SLCO2B1: variants seen among roughly 807,000 people sequenced by gnomAD.
SLCO2B1 encodes the protein solute carrier organic anion transporter family member 2B1, also known as OATP-RP2.
In SLCO2B1, 41 loss-of-function variants were observed where a neutral mutation model predicts 67.3. The observed-to-expected ratio is 0.61, with a 90% confidence interval of 0.47 to 0.79. The LOEUF (loss-of-function observed/expected upper bound fraction) is 0.79, where lower values mean the gene tolerates loss of function less well. Among genes scored for constraint, SLCO2B1 ranks in the 30% least tolerant of loss-of-function variants. The probability of loss-of-function intolerance (pLI) is 0.00; values close to 1 mark genes in which losing one functional copy is unlikely to be tolerated. For missense variants in SLCO2B1, 837 were observed against 920.1 expected (o/e 0.91, Z 1.17); for synonymous variants, 379 against 381.4 (o/e 0.99, Z 0.07).
chr11:75,196,720 T>G (rs747957924), intron 10 of SLCO2B1, 41 bp downstream of exon 10: 1 of 1,586,184 alleles, frequency 6.3e-7, no homozygotes, highest in South Asian at 1.1e-5. Flanking sequence ...CCCTCAGGAC[T>G]CTGCCTGCCC....
At chr11:75,171,301 G>T (rs1391811830) in intron 6 of SLCO2B1, among the ~76,000 whole-genome samples, 1 of 152,118 alleles carries the variant, frequency 6.6e-6, no homozygotes, top group Non-Finnish European at 1.5e-5. Context: ...GTCTCACTCT[G>T]CCCCTCATGC....
rs755551258 is a variant in SLCO2B1, at chr11:75,203,344, C to A, written c.1866C>A (p.Ile622=). Residue 622 remains isoleucine, a synonymous_variant, in exon 13 of 14, where the codon ATC becomes ATA. Coordinates refer to ENST00000289575, the MANE Select transcript of SLCO2B1 (RefSeq NM_007256.5). ...GCCCCGTGATCCACGGCAGCGCCAT[C>A]GACACCACCTGTGTGCACTGGGCCC... ...MPSPVIHGSA[I]DTTCVHWALS... The A allele has an allele frequency of 2.5e-6, 4 of 1,614,104 alleles. No individual in the cohort carries two copies. In the South Asian group the frequency reaches 4.4e-5, roughly 18 times the overall value.
At chr11:75,196,960 C>T (rs890908892) in intron 10 of SLCO2B1, among the ~76,000 whole-genome samples, 7 of 152,234 alleles carry the variant, frequency 4.6e-5, no homozygotes, top group Admixed American at 2.0e-4. Flanking sequence ...ACTAAAAATA[C>T]AAAAAATTAG....
intron 6 of SLCO2B1, among the ~76,000 whole-genome samples, chr11:75,171,080 G>A (rs1949954037): frequency 6.6e-6 from 1 of 152,154 alleles, no homozygotes; most frequent in Admixed American, 6.5e-5. Flanking sequence ...ATGGAGGCAG[G>A]GGAGATAACA....
intron 7 of SLCO2B1, among the ~76,000 whole-genome samples, chr11:75,181,759 G>C (rs528396676): frequency 1.3e-5 from 2 of 152,338 alleles, no homozygotes; most frequent in South Asian, 2.1e-4. Flanking sequence ...CCCCAGAGGG[G>C]AAGTTCCAGC....
intron 10 of SLCO2B1, among the ~76,000 whole-genome samples, chr11:75,197,397 G>A (rs1367588626): frequency 1.3e-5 from 2 of 152,248 alleles, no homozygotes; most frequent in African/African-American, 4.8e-5. Context: ...TTACTTGGGA[G>A]GGAAGGGCTT....
chr11:75,155,727 A>C (rs1949739229), intron 1 of SLCO2B1, among the ~76,000 whole-genome samples: 1 of 152,076 alleles, frequency 6.6e-6, no homozygotes, highest in African/African-American at 2.4e-5. Context: ...CAAAGTGCTG[A>C]GATTACAGGT....
chr11:75,189,918 G>GC (rs1944993097), intron 8 of SLCO2B1, among the ~76,000 whole-genome samples: 1 of 151,452 alleles, frequency 6.6e-6, no homozygotes, highest in African/African-American at 2.4e-5. Flanking sequence ...GCTGTGATCT[G>GC]GCCGCTGCGC....
chr11:75,182,017 C>G (rs1265631469), intron 7 of SLCO2B1, among the ~76,000 whole-genome samples: 1 of 152,236 alleles, frequency 6.6e-6, no homozygotes, highest in Non-Finnish European at 1.5e-5. Context: ...CCAAACCACC[C>G]GAGTCTGGCT....
chr11:75,159,146 AAGAC>A lies in SLCO2B1; in HGVS notation c.17-3506_17-3503del, dbSNP rs546970566. ...CGGCCTGAACGGACAGCTCTCCTGA[AAGAC>A]AGTAGCCCGCCGGCTGGCTGGCTTA... On this transcript the variant is annotated intron_variant, in intron 1 of 13. Transcript: ENST00000289575. Among the ~76,000 whole-genome samples the A allele has an allele frequency of 2.7e-4, 41 of 152,338 alleles. No individual in the cohort carries two copies. In the East Asian group the frequency reaches 7.1e-3, roughly 26 times the overall value.
At chr11:75,198,351 G>A (rs1396612040) in intron 10 of SLCO2B1, among the ~76,000 whole-genome samples, 1 of 152,238 alleles carries the variant, frequency 6.6e-6, no homozygotes, top group Admixed American at 6.5e-5. Flanking sequence ...GCCTACTACA[G>A]AGCAGGAATG....
At chr11:75,187,427 T>C (rs1252521966) in intron 7 of SLCO2B1, among the ~76,000 whole-genome samples, 1 of 152,212 alleles carries the variant, frequency 6.6e-6, no homozygotes, top group African/African-American at 2.4e-5. Context: ...GGGTGCGGCC[T>C]GATTCATCCA....
At chr11:75,190,568 T>A (rs973556424) in intron 8 of SLCO2B1, among the ~76,000 whole-genome samples, 3 of 152,124 alleles carry the variant, frequency 2.0e-5, no homozygotes, top group African/African-American at 7.2e-5. Context: ...AGTCCCTGAA[T>A]GGAGCGAGAC....
At chr11:75,194,013 G>A (rs1315852760) in intron 9 of SLCO2B1, among the ~76,000 whole-genome samples, 4 of 152,202 alleles carry the variant, frequency 2.6e-5, no homozygotes, top group Admixed American at 2.6e-4. Context: ...ATGAGAGGGT[G>A]AGCAAGGGAC....
chr11:75,173,742 G>A (rs925195877), intron 7 of SLCO2B1, among the ~76,000 whole-genome samples: 2 of 152,140 alleles, frequency 1.3e-5, no homozygotes, highest in African/African-American at 4.8e-5. Context: ...ACAAAAACAC[G>A]AGGCCTGAAA....
chr11:75,158,944 T>C (rs1186678452), intron 1 of SLCO2B1, among the ~76,000 whole-genome samples: 1 of 152,152 alleles, frequency 6.6e-6, no homozygotes, highest in Non-Finnish European at 1.5e-5. Context: ...GAAACCTTGC[T>C]CCTCATCACC....
intron 3 of SLCO2B1, 41 bp downstream of exon 3, chr11:75,164,141 G>A (rs773120721): frequency 5.7e-6 from 9 of 1,585,942 alleles, no homozygotes; most frequent in Non-Finnish European, 6.9e-6. Context: ...CACTGAGGGA[G>A]GCTTGCACCG....
At chr11:75,191,034 G>C (rs1385091659) in intron 8 of SLCO2B1, among the ~76,000 whole-genome samples, 1 of 152,176 alleles carries the variant, frequency 6.6e-6, no homozygotes. Flanking sequence ...AGGAGAGATG[G>C]GGGATGGCTA....
At chr11:75,163,908 C>T in intron 2 of SLCO2B1, 55 bp from the exon 3 acceptor site, 1 of 1,547,940 alleles carries the variant, frequency 6.5e-7, no homozygotes, top group Non-Finnish European at 8.7e-7. Context: ...CTCCTTCTGC[C>T]TCTTTGTCTC....
Sources: allele counts gnomAD v4.1 joint callset (sites outside exome capture counted in the v4.1 genomes callset), GRCh38; gene constraint gnomAD v4.1.1; transcripts MANE v1.5; gene names NCBI Gene and HGNC (gene_info 2026-07-23, HGNC 2026-07-21).